RECK: variants seen among roughly 807,000 people sequenced by gnomAD.
RECK encodes reversion-inducing cysteine-rich protein with Kazal motifs.
In RECK, 69 loss-of-function variants were observed where a neutral mutation model predicts 115.1. That is an observed-to-expected ratio of 0.60 (90% CI 0.49 to 0.73). The LOEUF is 0.73. Ranked by LOEUF, RECK falls within the 30% of genes least tolerant of loss-of-function variation. The pLI, the probability that RECK is intolerant of heterozygous loss-of-function variation, is 0.00. For synonymous variants in RECK, 414 were observed against 419.7 expected, an observed-to-expected ratio of 0.99 and a Z score of 0.17; for missense variants, 1,047 against 1,203.7, an observed-to-expected ratio of 0.87 and a Z score of 1.93.
intron 8 of RECK, among the ~76,000 whole-genome samples, chr9:36,087,147 T>C (rs983714066): frequency 6.6e-6 from 1 of 151,914 alleles, no homozygotes; most frequent in African/African-American, 2.4e-5. Context: ...CCATGTTCTG[T>C]GCTAAGCAGA....
rs138422549 is a variant in RECK at position 36,069,359 on chromosome 9, A to G, written c.405+3735A>G. On this transcript the variant is annotated intron_variant, in intron 6 of 20. Transcript: ENST00000377966. ...GTTTGAGACCAGCTTGGCTAACATG[A>G]TGAAACCCTGTCTCTACTAAAAATA... Among the ~76,000 whole-genome samples the G allele has an allele frequency of 5.9e-4, 89 of 151,724 alleles. No homozygotes were observed. In the East Asian group the frequency reaches 0.015, roughly 25 times the overall value.
At chr9:36,048,668 C>G (rs766584121) in intron 1 of RECK, among the ~76,000 whole-genome samples, 20 of 152,126 alleles carry the variant, frequency 1.3e-4, no homozygotes, top group Non-Finnish European at 2.6e-4. Flanking sequence ...GTCCTACTAC[C>G]AGGTGGTAAC....
intron 6 of RECK, among the ~76,000 whole-genome samples, 172 bp downstream of exon 6, chr9:36,065,796 A>T (rs751224351): frequency 3.3e-5 from 5 of 152,188 alleles, no homozygotes; most frequent in Non-Finnish European, 5.9e-5. Flanking sequence ...TTATGATTTT[A>T]GTTGATTTTT....
chr9:36,116,214 C>T (rs1227710806), intron 16 of RECK, among the ~76,000 whole-genome samples: 1 of 150,404 alleles, frequency 6.6e-6, no homozygotes, highest in Admixed American at 6.7e-5. Flanking sequence ...CCGCAACCTT[C>T]GCCTCCTGGG....
intron 6 of RECK, among the ~76,000 whole-genome samples, chr9:36,079,463 C>T (rs1255981347): frequency 6.6e-6 from 1 of 152,126 alleles, no homozygotes; most frequent in African/African-American, 2.4e-5. Flanking sequence ...CTATGAGGCC[C>T]AGGGTTTTCT....
intron 13 of RECK, among the ~76,000 whole-genome samples, chr9:36,106,661 T>C (rs1457530814): frequency 3.3e-5 from 5 of 152,186 alleles, no homozygotes; most frequent in Non-Finnish European, 5.9e-5. Context: ...TTGTCAAAAT[T>C]GGAAATGTCG....
chr9:36,081,362 C>T lies in RECK; in HGVS notation c.439+724C>T, dbSNP rs73648708. 4.4e-3 allele frequency among the ~76,000 whole-genome samples: 665 copies of T among 152,274 alleles called. 6 individuals are homozygous for T. Among genetic ancestry groups the T allele is most frequent in the African/African-American group, 0.015 (625 of 41,544 alleles). On this transcript the variant is annotated intron_variant, in intron 7 of 20. Coordinates refer to ENST00000377966, the MANE Select transcript of RECK (RefSeq NM_021111.3). ...CTTAGTTCAAGATTTTCCAGGTAGT[C>T]TCAGGCATGTAATCTTATGTCCTCC...
chr9:36,083,549 G>A lies in RECK; in HGVS notation c.624G>A (p.Arg208=), dbSNP rs1221309913. 2.5e-6 allele frequency: 4 copies of A among 1,613,066 alleles called. No homozygotes were observed. The highest frequency in any genetic ancestry group is 1.7e-5 in the Admixed American group (1 of 59,896). ...ATTATACTCAATCTTATCCAATGAG[G>A]AACCCAACGGATAGTAAGTAAAAGG... ...VNNYTQSYPM[R]NPTDSLYCCD... The change falls in exon 8 of 21, where the codon AGG becomes AGA. Residue 208 remains arginine, a synonymous_variant. Transcript: ENST00000377966.
chr9:36,048,126 A>AATATATATATATAT lies in RECK; in HGVS notation c.101-4118_101-4105dup, dbSNP rs56726335. ...TACACACGCACAGACACACAGGTTG[A>AATATATATATATAT]ATATATATATATATATATATATATA... On this transcript the variant is annotated intron_variant, in intron 1 of 20. Transcript: ENST00000377966. 4.4e-3 allele frequency among the ~76,000 whole-genome samples: 510 copies of AATATATATATATAT among 115,236 alleles called. 9 individuals carry two copies. Among genetic ancestry groups the AATATATATATATAT allele is most frequent in the African/African-American group, 0.014 (315 of 22,934 alleles). The allele number at this position is 115,236 out of a possible 152,430, so 75.6% of individuals were successfully genotyped here.
At chr9:36,049,560 C>G (rs777249782) in intron 1 of RECK, among the ~76,000 whole-genome samples, 4 of 152,090 alleles carry the variant, frequency 2.6e-5, no homozygotes, top group Non-Finnish European at 4.4e-5. Flanking sequence ...GAACCACATT[C>G]AAAGCTGGGC....
chr9:36,106,671 G>A (rs1031544644), intron 13 of RECK, among the ~76,000 whole-genome samples: 7 of 151,648 alleles, frequency 4.6e-5, no homozygotes, highest in Admixed American at 2.6e-4. Flanking sequence ...TGGAAATGTC[G>A]GACTGTTTTA....
chr9:36,041,145 A>C (rs1361771341), intron 1 of RECK, among the ~76,000 whole-genome samples: 3 of 152,240 alleles, frequency 2.0e-5, no homozygotes, highest in African/African-American at 7.2e-5. Context: ...ATTCACCCCA[A>C]AATGTATAAT....
In RECK at chr9:36,091,182, T is replaced by C. The variant is rs1402884985; in HGVS notation, c.924T>C (p.Leu308=). The C allele has an allele frequency of 2.5e-6, 4 of 1,614,040 alleles. No homozygotes were observed. Among genetic ancestry groups the C allele is most frequent in the Non-Finnish European group, 2.5e-6 (3 of 1,179,946 alleles). Residue 308 remains leucine (L), a synonymous_variant, in exon 10 of 21, where the codon CTT becomes CTC. Coordinates refer to ENST00000377966, the MANE Select transcript of RECK (RefSeq NM_021111.3). ...GTTTCAGGGAACTCTGCACTAAACT[T>C]TACAGCATGAGCTGGGGCAATACAC... ...TSTCRELCTK[L]YSMSWGNTQS...
At chr9:36,073,917 G>A (rs1010701775) in intron 6 of RECK, among the ~76,000 whole-genome samples, 4 of 152,156 alleles carry the variant, frequency 2.6e-5, no homozygotes, top group Admixed American at 2.0e-4. Context: ...AGTACTGCTT[G>A]TTAAATATTC....
chr9:36,055,497 A>G (rs960335528), intron 2 of RECK, among the ~76,000 whole-genome samples: 2 of 152,138 alleles, frequency 1.3e-5, no homozygotes, highest in African/African-American at 2.4e-5. Context: ...CTTTACATGC[A>G]TTATTTCATT....
At chr9:36,041,234 A>G (rs1393262574) in intron 1 of RECK, among the ~76,000 whole-genome samples, 1 of 152,210 alleles carries the variant, frequency 6.6e-6, no homozygotes, top group African/African-American at 2.4e-5. Context: ...ATTTGAGGAA[A>G]AAGCATATGG....
chr9:36,067,473 G>A (rs1266182929), intron 6 of RECK, among the ~76,000 whole-genome samples: 1 of 152,106 alleles, frequency 6.6e-6, no homozygotes, highest in Non-Finnish European at 1.5e-5. Context: ...GTAAGCTGTT[G>A]TAGAGTTCCT....
chr9:36,078,422 T>C (rs1383276921), intron 6 of RECK, among the ~76,000 whole-genome samples: 1 of 152,222 alleles, frequency 6.6e-6, no homozygotes, highest in Non-Finnish European at 1.5e-5. Context: ...GAGCAGAGTT[T>C]ATCAGTCTTG....
rs192332768 is a variant in RECK at position 36,079,046 on chromosome 9, C to G, written c.406-1559C>G. On this transcript the variant is annotated intron_variant, in intron 6 of 20. Coordinates refer to ENST00000377966, the MANE Select transcript of RECK (RefSeq NM_021111.3). Reference sequence around the variant, plus strand: ...GAGTAGCTAGGATTACAGGCATGCACCACCACGCCCGGCTAATTTTGTATT... The same window carrying G: ...GAGTAGCTAGGATTACAGGCATGCAGCACCACGCCCGGCTAATTTTGTATT... 1.4e-3 allele frequency among the ~76,000 whole-genome samples: 216 copies of G among 152,188 alleles called. 1 individual carries two copies. The highest frequency in any genetic ancestry group is 2.7e-3 in the South Asian group (13 of 4,816).
Sources: gnomAD v4.1 joint callset for allele counts (sites outside exome capture counted in the v4.1 genomes callset) on GRCh38, gnomAD v4.1.1 for gene constraint, MANE v1.5 for transcripts, NCBI Gene and HGNC (gene_info 2026-07-23, HGNC 2026-07-21) for gene names.